Variants in ZNF343 observed in about 807,000 individuals in gnomAD.
ZNF343 encodes the protein zinc finger protein 343.
ZNF343 carries 11 observed loss-of-function variants against 13.8 expected under a neutral mutation model. That is an observed-to-expected ratio of 0.80 (90% CI 0.50 to 1.32). The LOEUF (loss-of-function observed/expected upper bound fraction) is 1.32. ZNF343 is among the 40% of genes most tolerant of loss of function. The pLI, the probability that ZNF343 is intolerant of heterozygous loss-of-function variation, is 0.00. For synonymous variants in ZNF343, 248 were observed against 260.0 expected (o/e 0.95, Z 0.44); for missense variants, 658 against 714.2 (o/e 0.92, Z 0.90).
chr20:2,495,585 T>C (rs2085444799), intron 2 of ZNF343: 1 of 152,212 alleles, frequency 6.6e-6, no homozygotes, highest in African/African-American at 2.4e-5. Context: ...ATAACGTAGC[T>C]GAAGCTGACA....
chr20:2,499,464 C>CAAAAAAAAA (rs35155995), intron 2 of ZNF343, among the ~76,000 whole-genome samples: 1 of 66,538 alleles, frequency 1.5e-5, no homozygotes. Context: ...GACTCCGTCT[C>CAAAAAAAAA]AAAAAAAAAA....
intron 5 of ZNF343, 114 bp from the exon 6 acceptor site, chr20:2,484,770 T>G (rs1390698444): frequency 2.1e-6 from 2 of 932,208 alleles, no homozygotes; most frequent in African/African-American, 1.7e-5. Flanking sequence ...ATAATATAAG[T>G]ATAACACAAT....
upstream of ZNF343, among the ~76,000 whole-genome samples, chr20:2,511,255 C>T (rs1396836050): frequency 6.6e-6 from 1 of 152,036 alleles, no homozygotes; most frequent in African/African-American, 2.4e-5. Context: ...ACTACAGGCA[C>T]ATGCCACCAC....
intron 1 of ZNF343, among the ~76,000 whole-genome samples, chr20:2,501,557 C>T (rs1449885403): frequency 6.6e-6 from 1 of 152,168 alleles, no homozygotes; most frequent in Admixed American, 6.5e-5. Context: ...CTGGGAGGCA[C>T]CCCCCAGTAG....
chr20:2,519,180 A>C (rs2085772442), intron 1 of ZNF343, among the ~76,000 whole-genome samples: 1 of 151,254 alleles, frequency 6.6e-6, no homozygotes, highest in Non-Finnish European at 1.5e-5. Flanking sequence ...TTCTCTACTT[A>C]CTCCCTCAAA....
At chr20:2,496,906 C>A (rs1299466957) in intron 2 of ZNF343, among the ~76,000 whole-genome samples, 1 of 152,082 alleles carries the variant, frequency 6.6e-6, no homozygotes, top group Non-Finnish European at 1.5e-5. Context: ...CATGGAGAAA[C>A]CCCATCTCTA....
intron 5 of ZNF343, 37 bp from the exon 6 acceptor site, chr20:2,484,693 G>C: frequency 1.3e-6 from 2 of 1,546,502 alleles, no homozygotes; most frequent in Non-Finnish European, 1.7e-6. Context: ...GTAGCCATAA[G>C]TAGGGCTGCT....
chr20:2,504,511 A>G (rs1203877344), intron 1 of ZNF343, among the ~76,000 whole-genome samples: 2 of 152,242 alleles, frequency 1.3e-5, no homozygotes, highest in Admixed American at 6.5e-5. Context: ...ATAAAATTTT[A>G]GACCCAATAT....
intron 5 of ZNF343, among the ~76,000 whole-genome samples, chr20:2,488,060 C>T (rs1245823434): frequency 6.6e-6 from 1 of 152,154 alleles, no homozygotes. Flanking sequence ...GAAAATAACT[C>T]TTTATATGTG....
At chr20:2,519,165 A>C (rs542173439) in intron 1 of ZNF343, among the ~76,000 whole-genome samples, 2 of 151,874 alleles carry the variant, frequency 1.3e-5, no homozygotes, top group Non-Finnish European at 2.9e-5. Context: ...TCTGACCCAT[A>C]CTCATTCTCT....
chr20:2,492,230 CT>C (rs1352381779), intron 5 of ZNF343: 1 of 159,186 alleles, frequency 6.3e-6, no homozygotes, highest in Non-Finnish European at 1.4e-5. Context: ...CCTTGCTTGC[CT>C]CCTTGCAGCT....
chr20:2,484,723 T>A, intron 5 of ZNF343, 67 bp from the exon 6 acceptor site: 1 of 1,439,782 alleles, frequency 6.9e-7, no homozygotes, highest in Non-Finnish European at 9.4e-7. Flanking sequence ...TGCCTTGTCT[T>A]AGGACAGAGA....
intron 1 of ZNF343, among the ~76,000 whole-genome samples, chr20:2,505,536 A>C (rs1483728863): frequency 2.6e-5 from 4 of 152,246 alleles, no homozygotes; most frequent in Non-Finnish European, 5.9e-5. Flanking sequence ...ACCTGACTTC[A>C]AACTATACTA....
At chr20:2,488,064 A>C (rs1394162041) in intron 5 of ZNF343, among the ~76,000 whole-genome samples, 1 of 152,160 alleles carries the variant, frequency 6.6e-6, no homozygotes, top group East Asian at 1.9e-4. Context: ...ATAACTCTTT[A>C]TATGTGATAT....
At chr20:2,487,347 C>T (rs2085297264) in intron 5 of ZNF343, among the ~76,000 whole-genome samples, 1 of 152,318 alleles carries the variant, frequency 6.6e-6, no homozygotes, top group South Asian at 2.1e-4. Context: ...TATAACCTCA[C>T]AGCTAACCAA....
chr20:2,524,069 C>T (rs538356177), intron 1 of ZNF343, among the ~76,000 whole-genome samples: 1 of 152,062 alleles, frequency 6.6e-6, no homozygotes, highest in South Asian at 2.1e-4. Flanking sequence ...CCCATAATCC[C>T]ATCACTTTGG....
chr20:2,521,878 G>T (rs755811895), intron 1 of ZNF343, among the ~76,000 whole-genome samples: 1 of 152,228 alleles, frequency 6.6e-6, no homozygotes, highest in Non-Finnish European at 1.5e-5. Flanking sequence ...CTTTATGCCA[G>T]GCCGGAGGGG....
At chr20:2,492,962 GTTC>G in intron 4 of ZNF343, 137 bp from the exon 5 acceptor site, 2 of 1,242,882 alleles carry the variant, frequency 1.6e-6, no homozygotes, top group South Asian at 1.4e-5. Flanking sequence ...TCCATATGAA[GTTC>G]TTCTGAGCAC....
intron 5 of ZNF343, among the ~76,000 whole-genome samples, chr20:2,488,235 C>T (rs1600036382): frequency 6.6e-6 from 1 of 152,020 alleles, no homozygotes; most frequent in African/African-American, 2.4e-5. Flanking sequence ...CCATCCTATC[C>T]TAGTGTGTTT....
Sources: gnomAD v4.1 joint callset for allele counts (sites outside exome capture counted in the v4.1 genomes callset) on GRCh38, gnomAD v4.1.1 for gene constraint, MANE v1.5 for transcripts, NCBI Gene and HGNC (gene_info 2026-07-23, HGNC 2026-07-21) for gene names.